The following ARRDC5 variants were observed in gnomAD, a reference collection of about 807,000 sequenced individuals.
The protein encoded by ARRDC5 is arrestin domain-containing protein 5.
Under a neutral mutation model 13.3 loss-of-function variants are expected in ARRDC5, and 12 were observed. The ratio of observed to expected loss-of-function variants is 0.90; its 90% confidence interval spans 0.58 to 1.46. ARRDC5 has a LOEUF of 1.46. ARRDC5 is among the 40% of genes most tolerant of loss of function. The probability of loss-of-function intolerance (pLI) is 0.00; values close to 1 mark genes in which losing one functional copy is unlikely to be tolerated. For missense variants in ARRDC5, 406 were observed against 418.7 expected (o/e 0.97, Z 0.26); for synonymous variants, 181 against 173.4 (o/e 1.04, Z -0.34).
chr19:4,916,775 C>T, the ARRDC5 span, among the ~76,000 whole-genome samples: 1 of 152,232 alleles, frequency 6.6e-6, no homozygotes, highest in African/African-American at 2.4e-5. Context: ...CTGAGACGGG[C>T]CAGCAGGAGC....
chr19:4,915,933 C>T, the ARRDC5 span, among the ~76,000 whole-genome samples: 1 of 152,136 alleles, frequency 6.6e-6, no homozygotes, highest in Non-Finnish European at 1.5e-5. Context: ...AAACGGATTT[C>T]AGGACCCTTT....
chr19:4,912,352 C>T, the ARRDC5 span, among the ~76,000 whole-genome samples: 1 of 152,198 alleles, frequency 6.6e-6, no homozygotes, highest in Non-Finnish European at 1.5e-5. Context: ...TGGGTCAGCA[C>T]AGAAGGCTTC....
chr19:4,896,653 C>T lies in ARRDC5; in HGVS notation c.459+18G>A, dbSNP rs781007061. On this transcript the variant is annotated intron_variant, in intron 2 of 2. Transcript: ENST00000650722. ...AGCTTGGAGATTGTTCCCACCTCCA[C>T]CTTTCCCCCATCGGTACCTGGAATG... 3 of 1,591,536 alleles carry T rather than the reference C, an allele frequency of 1.9e-6. No individual in the cohort carries two copies. Among genetic ancestry groups the T allele is most frequent in the East Asian group, 4.5e-5 (2 of 44,730 alleles).
Position 4,896,790 on chromosome 19 carries a change from CA to C in ARRDC5, c.339del (p.Phe113LeufsTer19). 6.2e-7 allele frequency: 1 copy of C among 1,613,798 alleles called. No homozygotes were observed. On this transcript the variant is annotated frameshift_variant, in exon 2 of 3. Transcript: ENST00000650722. LOFTEE classifies it high-confidence loss of function. ...GCTTGTACGAAATAGAAGACATGGC[CA>C]AATTTGCTGGTGAAGGTAGAAGGAA... ...PRLPSTFTSK[F>X]GHVFYFVQAS...
the ARRDC5 span, among the ~76,000 whole-genome samples, chr19:4,912,513 T>C: frequency 6.6e-6 from 1 of 152,138 alleles, no homozygotes; most frequent in African/African-American, 2.4e-5. Context: ...ATTTTAACTT[T>C]TGCATTTCAA....
chr19:4,911,175 G>C, the ARRDC5 span: 1 of 804,740 alleles, frequency 1.2e-6, no homozygotes, highest in Non-Finnish European at 1.8e-6. Flanking sequence ...CCCGGAAGGA[G>C]AAGTCCACAG....
At chr19:4,910,107 G>A in the ARRDC5 span, 2 of 152,404 alleles carry the variant, frequency 1.3e-5, no homozygotes, top group Non-Finnish European at 2.9e-5. Flanking sequence ...CTTGACGAGC[G>A]GGGGCCCCCT....
At chr19:4,894,715 AAGG>A (rs1259289330) in intron 2 of ARRDC5, among the ~76,000 whole-genome samples, 58 of 145,466 alleles carry the variant, frequency 4.0e-4, no homozygotes, top group Admixed American at 1.1e-3. Context: ...GGAGAAGGAG[AAGG>A]AGAAGAAGAA....
chr19:4,909,359 TGGACAGAGGCGGGGGCGCCCCCC>T, the ARRDC5 span: 1 of 607,308 alleles, frequency 1.6e-6, no homozygotes. Flanking sequence ...GGAGGCGCCG[TGGACAGAGGCGGGGGCGCCCCCC>T]ACCCTCTTTC....
At chr19:4,892,254 A>C (rs2031539635) in intron 2 of ARRDC5, among the ~76,000 whole-genome samples, 1 of 150,626 alleles carries the variant, frequency 6.6e-6, no homozygotes. Context: ...CACCCAGCTA[A>C]TTTTTTGTGT....
chr19:4,909,356 CCGTGGACAGAGGCGG>C, the ARRDC5 span: 1 of 606,972 alleles, frequency 1.6e-6, no homozygotes, highest in East Asian at 3.3e-5. Context: ...GGCGGAGGCG[CCGTGGACAGAGGCGG>C]GGGCGCCCCC....
At chr19:4,899,764 C>CTT (rs1424989852) in intron 1 of ARRDC5, among the ~76,000 whole-genome samples, 3 of 67,976 alleles carry the variant, frequency 4.4e-5, no homozygotes, top group Admixed American at 2.8e-4. Context: ...CCCGTCTCTA[C>CTT]AAAAAAAAAA....
At chr19:4,894,119 G>A (rs537683599) in intron 2 of ARRDC5, among the ~76,000 whole-genome samples, 40 of 151,406 alleles carry the variant, frequency 2.6e-4, no homozygotes, top group African/African-American at 9.2e-4. Context: ...GCTCACGCCT[G>A]TAATCCCAGC....
At chr19:4,899,583 G>A (rs1007128258) in intron 1 of ARRDC5, among the ~76,000 whole-genome samples, 2 of 151,460 alleles carry the variant, frequency 1.3e-5, no homozygotes, top group Non-Finnish European at 2.9e-5. Flanking sequence ...AGTGAGCTGA[G>A]ATCACGCCAT....
chr19:4,914,138 C>A, the ARRDC5 span, among the ~76,000 whole-genome samples: 19 of 152,062 alleles, frequency 1.2e-4, no homozygotes, highest in African/African-American at 4.3e-4. Flanking sequence ...CATGCAGTAG[C>A]TTTTAAGAGA....
intron 2 of ARRDC5, among the ~76,000 whole-genome samples, chr19:4,894,039 C>G (rs2031611104): frequency 8.7e-6 from 1 of 114,868 alleles, no homozygotes; most frequent in African/African-American, 4.0e-5. Context: ...CAGAGCAAGA[C>G]TCTGCCTAAA....
At position 4,896,873 on chromosome 19, in the gene ARRDC5, T is replaced by C. The variant is rs2031755521; in HGVS notation, c.257A>G (p.Asn86Ser). ...HKTKTFPVED[N>S]WLSAGSHTFD... ...GGTGTGGCTGCCTGCACTTAACCAA[T>C]TATCTGAAAGCAAAACACACCGATG... Residue 86 changes from asparagine (N) to serine (S), a missense_variant, in exon 2 of 3, where the codon AAT (asparagine) becomes AGT (serine). Asn to Ser is a conservative substitution (Grantham distance 46, BLOSUM62 1). Transcript: ENST00000650722. 1.2e-6 allele frequency: 2 copies of C among 1,612,910 alleles called. No homozygotes were observed. Among genetic ancestry groups the C allele is most frequent in the Middle Eastern group, 3.3e-4 (2 of 6,080 alleles).
At chr19:4,911,998 C>T in the ARRDC5 span, among the ~76,000 whole-genome samples, 7 of 152,222 alleles carry the variant, frequency 4.6e-5, no homozygotes, top group South Asian at 4.1e-4. Context: ...ACACTGCGCC[C>T]GGCCAGGGGT....
chr19:4,903,814 C>G (rs2032000411), upstream of ARRDC5, among the ~76,000 whole-genome samples: 2 of 152,014 alleles, frequency 1.3e-5, no homozygotes, highest in Admixed American at 1.3e-4. Context: ...CATACACACT[C>G]ATTTTCATCT....
Sources: gnomAD v4.1 joint callset for allele counts (sites outside exome capture counted in the v4.1 genomes callset) on GRCh38, gnomAD v4.1.1 for gene constraint, MANE v1.5 for transcripts, NCBI Gene and HGNC (gene_info 2026-07-23, HGNC 2026-07-21) for gene names.